The following ISG20 variants were observed in gnomAD, a reference collection of about 807,000 sequenced individuals.
ISG20 encodes interferon stimulated exonuclease gene 20.
A neutral mutation model predicts 11.1 loss-of-function variants in ISG20; 8 were observed. That is an observed-to-expected ratio of 0.72 (90% confidence interval 0.42 to 1.30). The LOEUF is 1.30. ISG20 is among the 50% of genes most tolerant of loss of function. The pLI is 0.01. For synonymous variants in ISG20, 110 were observed against 101.7 expected, an observed-to-expected ratio of 1.08 and a Z score of -0.49; for missense variants, 243 against 250.2, an observed-to-expected ratio of 0.97 and a Z score of 0.19.
chr15:88,639,338 T>G lies in ISG20; in HGVS notation c.-24-5T>G. 6.4e-7 allele frequency: 1 copy of G among 1,567,402 alleles called. No homozygotes were observed. The highest frequency in any genetic ancestry group is 8.7e-7 in the Non-Finnish European group (1 of 1,147,468). The stretch of plus-strand genomic sequence containing the variant: ...TGAGACCGCCCCCCATACCCCTCTC[T>G]CCAGCATCTCTGAGGGTCCCCAAGG... On this transcript the variant is annotated splice_polypyrimidine_tract_variant and splice_region_variant and intron_variant, in intron 1 of 3. Coordinates refer to ENST00000306072, the MANE Select transcript of ISG20 (RefSeq NM_002201.6). The surrounding 1 kb of genome is among the most constrained non-coding windows in gnomAD (Gnocchi z 4.2).
chr15:88,640,146 T>C (rs2058055955), intron 2 of ISG20, among the ~76,000 whole-genome samples: 1 of 152,164 alleles, frequency 6.6e-6, no homozygotes, highest in African/African-American at 2.4e-5. Context: ...CATCTCCCCG[T>C]CTCACTTTCT....
intron 2 of ISG20, among the ~76,000 whole-genome samples, chr15:88,641,202 G>T (rs945587976): frequency 2.0e-5 from 3 of 152,162 alleles, no homozygotes; most frequent in East Asian, 3.9e-4. Flanking sequence ...CACCATGTTG[G>T]CCAGGCTGGT....
Position 88,643,563 on chromosome 15 carries a change from G to C in ISG20, c.228+3969G>C, listed in dbSNP as rs1258501109. On this transcript the variant is annotated intron_variant, in intron 2 of 3. Coordinates refer to ENST00000306072, the MANE Select transcript of ISG20 (RefSeq NM_002201.6). This position sits in a 1 kb window ranked among gnomAD's most constrained non-coding sequence, Gnocchi z 4.4. ...TACTGAAAATGCAAAAATTAGCCGG[G>C]TGTGGTGGTGGGTGCCTGTAATCCA... 6.6e-6 allele frequency among the ~76,000 whole-genome samples: 1 copy of C among 152,102 alleles called. No individual in the cohort carries two copies. Among genetic ancestry groups the C allele is most frequent in the Non-Finnish European group, 1.5e-5 (1 of 68,022 alleles).
intron 2 of ISG20, among the ~76,000 whole-genome samples, chr15:88,644,660 C>T (rs2058140393): frequency 1.3e-5 from 2 of 151,478 alleles, no homozygotes; most frequent in Admixed American, 6.6e-5. Flanking sequence ...AGGAAGAAAA[C>T]GTTTGGAGAG....
chr15:88,643,789 A>G lies in ISG20; in HGVS notation c.228+4195A>G, dbSNP rs1056010711. On this transcript the variant is annotated intron_variant, in intron 2 of 3. Transcript: ENST00000306072. The surrounding 1 kb of genome is among the most constrained non-coding windows in gnomAD (Gnocchi z 4.4). Reference sequence around the variant, plus strand: ...TAGAAGTACAGATTGAGTAGCCCTTATCTGAAATGCTGGGGACCAGAAGGG... The same window carrying G: ...TAGAAGTACAGATTGAGTAGCCCTTGTCTGAAATGCTGGGGACCAGAAGGG... Among the ~76,000 whole-genome samples the G allele has an allele frequency of 5.9e-5, 9 of 152,218 alleles. No individual in the cohort carries two copies. The highest frequency in any genetic ancestry group is 1.2e-4 in the Non-Finnish European group (8 of 68,022).
At chr15:88,636,149 C>T (rs2057981556), upstream of ISG20, 1 of 152,274 alleles carries the variant, frequency 6.6e-6, no homozygotes, top group African/African-American at 2.4e-5. Flanking sequence ...CGACTTGTAC[C>T]TGTTATGGTC....
rs916599296 is a variant in ISG20 at position 88,639,777 on chromosome 15, C to T, written c.228+183C>T. 6.6e-6 allele frequency among the ~76,000 whole-genome samples: 1 copy of T among 152,220 alleles called. No individual in the cohort carries two copies. Among genetic ancestry groups the T allele is most frequent in the Non-Finnish European group, 1.5e-5 (1 of 68,036 alleles). ...GAGAAGGCTTCCTGTCTTCAGAGAACCATAGACTCACATCTGGAAGCCGCC... is the reference window on the plus strand; with the variant it reads ...GAGAAGGCTTCCTGTCTTCAGAGAATCATAGACTCACATCTGGAAGCCGCC... On this transcript the variant is annotated intron_variant, in intron 2 of 3. Coordinates refer to ENST00000306072, the MANE Select transcript of ISG20 (RefSeq NM_002201.6). The surrounding 1 kb of genome is among the most constrained non-coding windows in gnomAD (Gnocchi z 4.2).
rs768239945 is a variant in ISG20 at position 88,639,343 on chromosome 15, C to G, written c.-24C>G. 1 of 1,577,964 alleles carries G rather than the reference C, an allele frequency of 6.3e-7. No individual in the cohort carries two copies. The highest frequency in any genetic ancestry group is 1.1e-5 in the South Asian group (1 of 88,888). On this transcript the variant is annotated splice_region_variant and 5_prime_UTR_variant, in exon 2 of 4. Transcript: ENST00000306072. The surrounding 1 kb of genome is among the most constrained non-coding windows in gnomAD (Gnocchi z 4.2). ...CCGCCCCCCATACCCCTCTCTCCAG[C>G]ATCTCTGAGGGTCCCCAAGGAACAT...
intron 3 of ISG20, 36 bp from the exon 4 acceptor site, chr15:88,655,379 T>C: frequency 6.3e-7 from 1 of 1,584,984 alleles, no homozygotes; most frequent in Non-Finnish European, 8.7e-7. Context: ...GAATTCAGCC[T>C]CATCCCAAGT....
At chr15:88,642,049 T>C (rs1053008573) in intron 2 of ISG20, among the ~76,000 whole-genome samples, 4 of 148,458 alleles carry the variant, frequency 2.7e-5, no homozygotes, top group Admixed American at 1.4e-4. Context: ...TTTTCCCGCC[T>C]CAGCCTCCCA....
Position 88,639,085 on chromosome 15 carries a change from G to T in ISG20, c.-25+9G>T, listed in dbSNP as rs573193138. On this transcript the variant is annotated intron_variant, in intron 1 of 3. Transcript: ENST00000306072. This position sits in a 1 kb window ranked among gnomAD's most constrained non-coding sequence, Gnocchi z 4.2. The stretch of plus-strand genomic sequence containing the variant: ...GGCGCAGAGGCAGGCAGGTGAGAGC[G>T]GGAGCTGGAGCAGCAGCTGGGGAGG... The T allele has an allele frequency of 3.8e-6, 2 of 533,038 alleles. No individual in the cohort carries two copies. Among genetic ancestry groups the T allele is most frequent in the African/African-American group, 1.9e-5 (1 of 52,880 alleles). 33.0% of individuals were successfully genotyped at this position (533,038 alleles called of 1,614,324 possible).
rs557441111 is a variant in ISG20, at chr15:88,639,170, A to G, written c.-25+94A>G. ...GGGCAGGCCAGAGGCCCTGGGACAC[A>G]CGGGCAGGGTAAGGCAGGGGATGGG... On this transcript the variant is annotated intron_variant, in intron 1 of 3. Coordinates refer to ENST00000306072, the MANE Select transcript of ISG20 (RefSeq NM_002201.6). The surrounding 1 kb of genome is among the most constrained non-coding windows in gnomAD (Gnocchi z 4.2). The G allele has an allele frequency of 1.5e-5, 9 of 597,172 alleles. No homozygotes were observed. Among genetic ancestry groups the G allele is most frequent in the Admixed American group, 3.0e-5 (1 of 33,004 alleles). 37.0% of individuals were successfully genotyped at this position (597,172 alleles called of 1,614,324 possible). A position where few individuals can be genotyped will look rare whatever the true frequency, so the allele number is the denominator to read the frequency against.
At chr15:88,647,158 G>C (rs1456653761) in intron 2 of ISG20, 1 of 152,256 alleles carries the variant, frequency 6.6e-6, no homozygotes, top group African/African-American at 2.4e-5. Flanking sequence ...CAGCAATCAA[G>C]TAGCCCATGG....
chr15:88,650,981 C>G lies in ISG20; in HGVS notation c.229-1129C>G, dbSNP rs2058264151. On this transcript the variant is annotated intron_variant, in intron 2 of 3. Transcript: ENST00000306072. This position sits in a 1 kb window ranked among gnomAD's most constrained non-coding sequence, Gnocchi z 4.0. ...GTCTCACCATGTTGGCCAGGCTGGT[C>G]TCAAACTCCTGGCCTCAGGTGATCC... The G allele has an allele frequency of 6.5e-6, 1 of 154,874 alleles. No individual in the cohort carries two copies. Among genetic ancestry groups the G allele is most frequent in the African/African-American group, 2.4e-5 (1 of 41,454 alleles). The allele number at this position is 154,874 out of a possible 1,614,324, so 9.6% of individuals were successfully genotyped here. A position where few individuals can be genotyped will look rare whatever the true frequency, so the allele number is the denominator to read the frequency against.
At chr15:88,640,393 A>C (rs1380257738) in intron 2 of ISG20, among the ~76,000 whole-genome samples, 3 of 152,182 alleles carry the variant, frequency 2.0e-5, no homozygotes, top group South Asian at 2.1e-4. Context: ...CTCACTATGC[A>C]CTGGCCGCTC....
intron 2 of ISG20, among the ~76,000 whole-genome samples, chr15:88,642,062 T>C (rs1269724067): frequency 1.3e-5 from 2 of 151,616 alleles, no homozygotes; most frequent in African/African-American, 2.4e-5. Context: ...GCCTCCCAAG[T>C]TGTAGTATAG....
Position 88,639,943 on chromosome 15 carries a change from TGA to T in ISG20, c.228+353_228+354del, listed in dbSNP as rs1018373614. The stretch of plus-strand genomic sequence containing the variant: ...GCCACTGGTGAGACCTGTGGGGAAA[TGA>T]GAGGATTCTTGGCTGAGGCTCTGGC... On this transcript the variant is annotated intron_variant, in intron 2 of 3. Coordinates refer to ENST00000306072, the MANE Select transcript of ISG20 (RefSeq NM_002201.6). This position sits in a 1 kb window ranked among gnomAD's most constrained non-coding sequence, Gnocchi z 4.2. 6.6e-6 allele frequency among the ~76,000 whole-genome samples: 1 copy of T among 152,138 alleles called. No individual in the cohort carries two copies.
At chr15:88,638,229 G>C (rs1469761078), upstream of ISG20, among the ~76,000 whole-genome samples, 1 of 152,224 alleles carries the variant, frequency 6.6e-6, no homozygotes, top group Non-Finnish European at 1.5e-5. Flanking sequence ...CACAGTGAAA[G>C]ACAAGCACTT....
chr15:88,651,854 C>T (rs1482547555), intron 2 of ISG20: 1 of 1,343,466 alleles, frequency 7.4e-7, no homozygotes, highest in African/African-American at 1.5e-5. Flanking sequence ...TCAGGATGTA[C>T]TAACCATTGC....
Sources: gnomAD v4.1 joint callset for allele counts (sites outside exome capture counted in the v4.1 genomes callset) on GRCh38, gnomAD v4.1.1 for gene constraint, Gnocchi (gnomAD v3.1) non-coding constraint, MANE v1.5 for transcripts, NCBI Gene and HGNC (gene_info 2026-07-23, HGNC 2026-07-21) for gene names.